Variants in APBA2 observed in about 807,000 individuals in gnomAD.
APBA2 encodes amyloid beta precursor protein binding family A member 2.
APBA2 carries 30 observed loss-of-function variants against 75.0 expected under a neutral mutation model. The ratio of observed to expected loss-of-function variants is 0.40; its 90% CI spans 0.30 to 0.54. APBA2 has a LOEUF of 0.54. Among genes scored for constraint, APBA2 ranks in the 20% least tolerant of loss-of-function variants. The probability of loss-of-function intolerance (pLI) is 0.49; values close to 1 mark genes in which losing one functional copy is unlikely to be tolerated. For missense variants in APBA2, 801 were observed against 1,016.1 expected, an observed-to-expected ratio of 0.79 and a Z score of 2.88; for synonymous variants, 444 against 409.6, an observed-to-expected ratio of 1.08 and a Z score of -1.01.
At chr15:28,966,559 GT>G (rs1269496788) in intron 2 of APBA2, among the ~76,000 whole-genome samples, 1 of 151,924 alleles carries the variant, frequency 6.6e-6, no homozygotes, top group Non-Finnish European at 1.5e-5. Context: ...TTTACTTTCA[GT>G]CTACCCATGT....
chr15:29,077,444 A>G (rs1283737469), intron 6 of APBA2, among the ~76,000 whole-genome samples: 5 of 152,180 alleles, frequency 3.3e-5, no homozygotes, highest in Non-Finnish European at 7.3e-5. Context: ...ATCTGGACAG[A>G]ACTCTCACAC....
intron 4 of APBA2, among the ~76,000 whole-genome samples, chr15:29,056,618 C>CCT (rs1460184292): frequency 9.8e-4 from 100 of 101,958 alleles, no homozygotes; most frequent in African/African-American, 4.2e-3. Context: ...CCCTCCTTCT[C>CCT]TCCCTCCCTC....
chr15:28,907,355 A>T, intron 1 of APBA2, among the ~76,000 whole-genome samples: 1 of 152,072 alleles, frequency 6.6e-6, no homozygotes, highest in East Asian at 1.9e-4. Context: ...TCTTGTGCCG[A>T]TATCTACCGT....
intron 4 of APBA2, chr15:29,070,970 A>C (rs1346292781): frequency 2.3e-6 from 1 of 433,400 alleles, no homozygotes; most frequent in Admixed American, 2.6e-5. Flanking sequence ...TTCACAGGCC[A>C]CTGGGGATGG....
At position 29,053,835 on chromosome 15, in the gene APBA2, C is replaced by T; in HGVS notation, c.-40-10C>T. The T allele has an allele frequency of 6.5e-7, 1 of 1,534,392 alleles. No individual in the cohort carries two copies. The highest frequency in any genetic ancestry group is 8.9e-7 in the Non-Finnish European group (1 of 1,124,818). ...TTTGACTCTGTCCTTCCCAATGTTCCTCCCCACAGTGGCTGCCTCCGGGTG... is the reference window on the plus strand; with the variant it reads ...TTTGACTCTGTCCTTCCCAATGTTCTTCCCCACAGTGGCTGCCTCCGGGTG... On this transcript the variant is annotated splice_polypyrimidine_tract_variant and intron_variant, in intron 3 of 14. Coordinates refer to ENST00000683413, the MANE Select transcript of APBA2 (RefSeq NM_001353788.2).
At position 29,053,869 on chromosome 15, in the gene APBA2, T is replaced by C; in HGVS notation, c.-16T>C. On this transcript the variant is annotated 5_prime_UTR_variant, in exon 4 of 15. Coordinates refer to ENST00000683413, the MANE Select transcript of APBA2 (RefSeq NM_001353788.2). The stretch of plus-strand genomic sequence containing the variant: ...GTGGCTGCCTCCGGGTGATGATGGC[T>C]GTGTGAACGACTGCCATGGCCCACC... 9 of 1,605,612 alleles carry C rather than the reference T, an allele frequency of 5.6e-6. No individual in the cohort carries two copies. The highest frequency in any genetic ancestry group is 7.7e-6 in the Non-Finnish European group (9 of 1,173,558).
In APBA2 at chr15:29,108,590, G is replaced by T. The variant is rs2044564590; in HGVS notation, c.2037+201G>T. On this transcript the variant is annotated intron_variant, in intron 13 of 14. Coordinates refer to ENST00000683413, the MANE Select transcript of APBA2 (RefSeq NM_001353788.2). The stretch of plus-strand genomic sequence containing the variant: ...GTCCTGGCTAGAAGGGGAGGGCCAG[G>T]GCATGGCCGTGGATTGGGCCCCTCC... The T allele has an allele frequency of 5.1e-6, 4 of 781,760 alleles. No homozygotes were observed. In the South Asian group the frequency reaches 7.1e-5, roughly 14 times the overall value. 48.4% of individuals were successfully genotyped at this position (781,760 alleles called of 1,614,324 possible).
intron 2 of APBA2, among the ~76,000 whole-genome samples, chr15:28,922,680 G>C (rs760276353): frequency 1.3e-5 from 2 of 151,932 alleles, no homozygotes; most frequent in African/African-American, 2.4e-5. Flanking sequence ...CCATGGTTTC[G>C]ATCTGTAACC....
intron 2 of APBA2, among the ~76,000 whole-genome samples, chr15:28,987,459 T>C (rs2152777205): frequency 6.6e-6 from 1 of 152,090 alleles, no homozygotes; most frequent in African/African-American, 2.4e-5. Flanking sequence ...AGGGCTCAGT[T>C]CTTTGCCATA....
chr15:29,069,955 G>T (rs748241091), intron 4 of APBA2, among the ~76,000 whole-genome samples: 1 of 152,260 alleles, frequency 6.6e-6, no homozygotes, highest in Non-Finnish European at 1.5e-5. Flanking sequence ...AGTGGAGGAC[G>T]TGTGCAGGTG....
intron 2 of APBA2, among the ~76,000 whole-genome samples, chr15:28,988,763 G>A (rs2038062470): frequency 6.6e-6 from 1 of 152,226 alleles, no homozygotes; most frequent in African/African-American, 2.4e-5. Context: ...ACTCAGGTAT[G>A]TGTCTCTCTG....
At chr15:29,041,906 G>A (rs55751783) in intron 3 of APBA2, among the ~76,000 whole-genome samples, 32,126 of 152,102 alleles carry the variant, frequency 0.21, 4,266 homozygotes, top group East Asian at 0.45. Flanking sequence ...TGAATAAAGG[G>A]CACATGATCC....
intron 3 of APBA2, among the ~76,000 whole-genome samples, chr15:29,027,365 A>G (rs2040273752): frequency 6.6e-6 from 1 of 152,144 alleles, no homozygotes; most frequent in Non-Finnish European, 1.5e-5. Context: ...GGTAATTTAT[A>G]TTTTCTTAGA....
At chr15:29,109,198 C>G (rs1341873243) in intron 13 of APBA2, among the ~76,000 whole-genome samples, 1 of 152,132 alleles carries the variant, frequency 6.6e-6, no homozygotes, top group East Asian at 1.9e-4. Context: ...TGCCCACCCA[C>G]AGTCAGGAAA....
chr15:29,004,926 C>T (rs1391595845), intron 3 of APBA2, among the ~76,000 whole-genome samples: 4 of 152,266 alleles, frequency 2.6e-5, no homozygotes, highest in East Asian at 1.9e-4. Context: ...GTGATCCACC[C>T]GCCTTGGGCT....
intron 2 of APBA2, among the ~76,000 whole-genome samples, chr15:28,980,051 A>C (rs62010668): frequency 0.02 from 3,079 of 152,324 alleles, 34 homozygotes; most frequent in Non-Finnish European, 0.031. Context: ...TTTCAGAGAC[A>C]GGGAAGTGCA....
intron 14 of APBA2, among the ~76,000 whole-genome samples, chr15:29,114,956 TGTGA>T (rs1201641749): frequency 3.4e-4 from 52 of 151,104 alleles, no homozygotes; most frequent in African/African-American, 8.5e-4. Context: ...GCTGTGGGTC[TGTGA>T]GTGGGTGTGA....
At chr15:29,040,705 A>G (rs998849339) in intron 3 of APBA2, among the ~76,000 whole-genome samples, 2 of 152,198 alleles carry the variant, frequency 1.3e-5, no homozygotes, top group East Asian at 1.9e-4. Context: ...AACATTCTCT[A>G]CATTCTCAAC....
rs774148287 is a variant in APBA2 at position 29,046,551 on chromosome 15, C to G, written c.-40-7294C>G. Among the ~76,000 whole-genome samples, 1 of 152,214 alleles carries G rather than the reference C, an allele frequency of 6.6e-6. No individual in the cohort carries two copies. The highest frequency in any genetic ancestry group is 1.5e-5 in the Non-Finnish European group (1 of 68,040). ...TCAGATCCATTCCCTGGGCCGTCAT[C>G]AGAGACCTGCAAGCATCTACTTAGG... On this transcript the variant is annotated intron_variant, in intron 3 of 14. Transcript: ENST00000683413. The surrounding 1 kb of genome is among the most constrained non-coding windows in gnomAD (Gnocchi z 5.0).
Sources: allele counts gnomAD v4.1 joint callset (sites outside exome capture counted in the v4.1 genomes callset), GRCh38; gene constraint gnomAD v4.1.1; non-coding constraint Gnocchi (gnomAD v3.1); transcripts MANE v1.5; gene names NCBI Gene and HGNC (gene_info 2026-07-23, HGNC 2026-07-21).